SCUBE1: variants seen among roughly 807,000 people sequenced by gnomAD.
SCUBE1 encodes signal peptide, CUB domain and EGF like domain containing 1, also known as signal peptide, CUB and EGF-like domain-containing protein 1.
Under a neutral mutation model 124.4 loss-of-function variants are expected in SCUBE1, and 59 were observed. The observed-to-expected ratio is 0.47, with a 90% confidence interval of 0.38 to 0.59. The LOEUF is 0.59. SCUBE1 is among the 20% of genes least tolerant of loss of function. The pLI, the probability that SCUBE1 is intolerant of heterozygous loss-of-function variation, is 0.00. For missense variants in SCUBE1, 1,150 were observed against 1,371.2 expected, an observed-to-expected ratio of 0.84 and a Z score of 2.55; for synonymous variants, 545 against 550.9, an observed-to-expected ratio of 0.99 and a Z score of 0.15.
intron 3 of SCUBE1, among the ~76,000 whole-genome samples, chr22:43,314,208 G>A (rs1254924362): frequency 6.6e-6 from 1 of 152,164 alleles, no homozygotes; most frequent in African/African-American, 2.4e-5. Context: ...CCTTGTGCAG[G>A]AAGCTTTGTC....
At position 43,210,731 on chromosome 22, in the gene SCUBE1, C is replaced by T. The variant is rs900707356; in HGVS notation, c.2383+191G>A. 6.6e-6 allele frequency among the ~76,000 whole-genome samples: 1 copy of T among 152,230 alleles called. No individual in the cohort carries two copies. The highest frequency in any genetic ancestry group is 2.4e-5 in the African/African-American group (1 of 41,454). ...CCACTGTGGGCTCCGTAGAGTGGGC[C>T]AAGCCAGGGCTGCCCCTTTGGTGCC... On this transcript the variant is annotated intron_variant, in intron 18 of 21. Transcript: ENST00000360835. The surrounding 1 kb of genome is among the most constrained non-coding windows in gnomAD (Gnocchi z 4.5).
chr22:43,268,734 G>A (rs137869151), intron 4 of SCUBE1, among the ~76,000 whole-genome samples: 1 of 152,360 alleles, frequency 6.6e-6, no homozygotes, highest in Non-Finnish European at 1.5e-5. Context: ...GGTGAGTGAG[G>A]TGCTGGCTAA....
intron 21 of SCUBE1, among the ~76,000 whole-genome samples, chr22:43,206,623 C>T (rs575193649): frequency 6.9e-5 from 10 of 144,388 alleles, no homozygotes; most frequent in African/African-American, 2.4e-4. Flanking sequence ...CAGCTGAGGG[C>T]GGAAGGATGG....
intron 1 of SCUBE1, among the ~76,000 whole-genome samples, chr22:43,342,536 A>C (rs914971407): frequency 4.8e-5 from 6 of 126,230 alleles, no homozygotes; most frequent in South Asian, 2.6e-4. Flanking sequence ...TGCGGCGTCC[A>C]TCTGTCCCCC....
intron 3 of SCUBE1, among the ~76,000 whole-genome samples, chr22:43,304,255 C>T (rs1925883154): frequency 6.6e-6 from 1 of 152,262 alleles, no homozygotes; most frequent in Admixed American, 6.5e-5. Flanking sequence ...TTGGCCACAT[C>T]CATCTCCAGC....
At chr22:43,218,680 T>A (rs1253711686) in intron 14 of SCUBE1, among the ~76,000 whole-genome samples, 1 of 152,234 alleles carries the variant, frequency 6.6e-6, no homozygotes, top group Non-Finnish European at 1.5e-5. Context: ...GCAGCAGATC[T>A]GAGTGCAATC....
chr22:43,214,047 G>GCCC, intron 16 of SCUBE1, 43 bp downstream of exon 16: 12 of 143,436 alleles, frequency 8.4e-5, no homozygotes, highest in Middle Eastern at 2.7e-3. Context: ...AGGAGCCCCC[G>GCCC]CCCACCCCCC....
intron 2 of SCUBE1, among the ~76,000 whole-genome samples, chr22:43,325,140 G>A (rs766235988): frequency 6.6e-6 from 1 of 151,912 alleles, no homozygotes; most frequent in Non-Finnish European, 1.5e-5. Context: ...AAGAGCTGCT[G>A]TCACACAGAA....
rs752833398 is a variant in SCUBE1, at chr22:43,198,548, C to G, written c.*5449G>C. 1.5e-5 allele frequency: 7 copies of G among 456,602 alleles called. No individual in the cohort carries two copies. Among genetic ancestry groups the G allele is most frequent in the South Asian group, 4.6e-5 (3 of 64,580 alleles). The allele number at this position is 456,602 out of a possible 1,614,324, so 28.3% of individuals were successfully genotyped here. A position where few individuals can be genotyped will look rare whatever the true frequency, so the allele number is the denominator to read the frequency against. ...GGTAGAATAGGAGGCGCTCTCTGCT[C>G]TCTCTCCACATCCTCACTCCACCCC... On this transcript the variant is annotated 3_prime_UTR_variant, in exon 22 of 22. Transcript: ENST00000360835.
At chr22:43,281,476 A>C (rs1924863800) in intron 4 of SCUBE1, among the ~76,000 whole-genome samples, 43 of 54,694 alleles carry the variant, frequency 7.9e-4, no homozygotes, top group Non-Finnish European at 7.3e-4. Context: ...CCCTCCTGTC[A>C]CCTCCCTCTT....
chr22:43,261,629 T>C (rs367810508), intron 5 of SCUBE1, among the ~76,000 whole-genome samples: 8 of 152,254 alleles, frequency 5.3e-5, no homozygotes, highest in African/African-American at 1.9e-4. Flanking sequence ...GGAAGAACGG[T>C]CATTTTCTTT....
intron 4 of SCUBE1, among the ~76,000 whole-genome samples, chr22:43,286,373 C>T (rs1295402779): frequency 1.3e-5 from 2 of 152,346 alleles, no homozygotes; most frequent in East Asian, 1.9e-4. Context: ...GACAATGCGA[C>T]GTTTCCTCTC....
chr22:43,291,094 C>T lies in SCUBE1; in HGVS notation c.436G>A (p.Gly146Ser), dbSNP rs1925341159. Residue 146 changes from glycine to serine, a missense_variant, in exon 4 of 22, where the codon GGC (glycine) becomes AGC (serine). Physicochemically the swap from Gly to Ser is moderately conservative, Grantham distance 56. Coordinates refer to ENST00000360835, the MANE Select transcript of SCUBE1 (RefSeq NM_173050.5). ...TGCTGGTTGTCACTAAGGAAGAAGC[C>T]ACTGTGGCACTGACACTCGTAGCTG... ...MGSYECQCHS[G>S]FFLSDNQHTC... 1.2e-6 allele frequency: 2 copies of T among 1,613,602 alleles called. No homozygotes were observed. Among genetic ancestry groups the T allele is most frequent in the African/African-American group, 1.3e-5 (1 of 75,034 alleles).
intron 3 of SCUBE1, among the ~76,000 whole-genome samples, chr22:43,309,099 CGGCCCA>C (rs1470943360): frequency 6.6e-6 from 1 of 152,022 alleles, no homozygotes; most frequent in Non-Finnish European, 1.5e-5. Context: ...GCTTCCCACA[CGGCCCA>C]GGCCCAGGCT....
intron 2 of SCUBE1, among the ~76,000 whole-genome samples, chr22:43,327,920 C>A (rs755328382): frequency 6.6e-6 from 1 of 152,172 alleles, no homozygotes; most frequent in East Asian, 1.9e-4. Context: ...AATTATATCG[C>A]GATAAAGCTG....
intron 4 of SCUBE1, among the ~76,000 whole-genome samples, chr22:43,280,687 C>T (rs570157728): frequency 6.7e-6 from 1 of 149,240 alleles, no homozygotes; most frequent in East Asian, 2.0e-4. Context: ...ACCTTTCTTT[C>T]ACACATCCCC....
At chr22:43,219,228 G>A (rs1019973498) in intron 14 of SCUBE1, among the ~76,000 whole-genome samples, 1 of 152,074 alleles carries the variant, frequency 6.6e-6, no homozygotes, top group Non-Finnish European at 1.5e-5. Flanking sequence ...GGCTCTACTA[G>A]TCGCCACGAG....
At chr22:43,316,301 A>G (rs189182275) in intron 3 of SCUBE1, among the ~76,000 whole-genome samples, 227 of 152,292 alleles carry the variant, frequency 1.5e-3, no homozygotes, top group Non-Finnish European at 2.6e-3. Context: ...TTAAGCCACA[A>G]ACTGGCAGTT....
At chr22:43,215,454 G>A (rs990825850) in intron 15 of SCUBE1, among the ~76,000 whole-genome samples, 2 of 152,184 alleles carry the variant, frequency 1.3e-5, no homozygotes, top group Non-Finnish European at 2.9e-5. Flanking sequence ...CTGACATGGC[G>A]GGAGCTGTGC....
Sources: allele counts gnomAD v4.1 joint callset (sites outside exome capture counted in the v4.1 genomes callset), GRCh38; gene constraint gnomAD v4.1.1; non-coding constraint Gnocchi (gnomAD v3.1); transcripts MANE v1.5; gene names NCBI Gene and HGNC (gene_info 2026-07-23, HGNC 2026-07-21).